The following SLC9A9 variants were observed in gnomAD, a reference collection of about 807,000 sequenced individuals.
SLC9A9 encodes the protein solute carrier family 9 member A9, also known as sodium/hydrogen exchanger 9.
SLC9A9 carries 62 observed loss-of-function variants against 77.8 expected under a neutral mutation model. That is an observed-to-expected ratio of 0.80 (90% CI 0.65 to 0.98). SLC9A9 has a LOEUF of 0.98. Among genes scored for constraint, SLC9A9 ranks in the 50% least tolerant of loss-of-function variants. The pLI, the probability that SLC9A9 is intolerant of heterozygous loss-of-function variation, is 0.00. For synonymous variants in SLC9A9, 320 were observed against 283.5 expected (o/e 1.13, Z -1.29); for missense variants, 775 against 774.9 (o/e 1.00, Z 0.00).
intron 12 of SLC9A9, among the ~76,000 whole-genome samples, chr3:143,464,019 A>C (rs1043306007): frequency 1.3e-5 from 2 of 152,238 alleles, no homozygotes; most frequent in African/African-American, 4.8e-5. Context: ...TAAAAAAACT[A>C]ATTCAAGTAC....
At chr3:143,386,936 G>T (rs1395378011) in intron 12 of SLC9A9, among the ~76,000 whole-genome samples, 2 of 152,196 alleles carry the variant, frequency 1.3e-5, no homozygotes, top group Non-Finnish European at 2.9e-5. Context: ...CACCTCCTGG[G>T]TTCAAGTGAT....
chr3:143,721,250 C>T (rs184968560), intron 4 of SLC9A9, among the ~76,000 whole-genome samples: 1 of 152,296 alleles, frequency 6.6e-6, no homozygotes, highest in African/African-American at 2.4e-5. Flanking sequence ...AAGAAGTCCC[C>T]TCTTTAAGTG....
At chr3:143,267,882 T>C (rs1435725105) in intron 15 of SLC9A9, among the ~76,000 whole-genome samples, 1 of 152,232 alleles carries the variant, frequency 6.6e-6, no homozygotes, top group Non-Finnish European at 1.5e-5. Flanking sequence ...GAATGGGCCC[T>C]TGCCGGGGGA....
chr3:143,450,945 C>T (rs1424539557), intron 12 of SLC9A9, among the ~76,000 whole-genome samples: 1 of 152,036 alleles, frequency 6.6e-6, no homozygotes, highest in African/African-American at 2.4e-5. Context: ...TGTGTGGGTG[C>T]TATGCCGGAG....
chr3:143,713,662 T>C (rs1200049124), intron 4 of SLC9A9, among the ~76,000 whole-genome samples: 6 of 152,160 alleles, frequency 3.9e-5, no homozygotes, highest in African/African-American at 1.2e-4. Flanking sequence ...ATTTGTTCCA[T>C]ATAACAGAAA....
At chr3:143,835,621 A>G (rs901924975) in intron 1 of SLC9A9, among the ~76,000 whole-genome samples, 5 of 152,262 alleles carry the variant, frequency 3.3e-5, no homozygotes, top group East Asian at 1.9e-4. Flanking sequence ...GATGGCTAGT[A>G]GAAAGAAAAT....
chr3:143,328,549 G>A (rs16853429), intron 14 of SLC9A9, among the ~76,000 whole-genome samples: 3,311 of 152,178 alleles, frequency 0.022, 106 homozygotes, highest in African/African-American at 0.075. Flanking sequence ...CCATCTTCCC[G>A]ATTCAAAACC....
intron 1 of SLC9A9, among the ~76,000 whole-genome samples, chr3:143,845,009 T>G (rs1405754536): frequency 6.6e-6 from 1 of 152,060 alleles, no homozygotes; most frequent in Admixed American, 6.6e-5. Flanking sequence ...CTTTTAGACC[T>G]CCTGGAAAAG....
At chr3:143,431,861 T>A (rs1483504408) in intron 12 of SLC9A9, among the ~76,000 whole-genome samples, 1 of 152,158 alleles carries the variant, frequency 6.6e-6, no homozygotes, top group African/African-American at 2.4e-5. Flanking sequence ...GCCCACTTGA[T>A]GTTCCTCCAA....
chr3:143,596,647 A>G (rs148422937), intron 6 of SLC9A9, among the ~76,000 whole-genome samples: 3 of 152,204 alleles, frequency 2.0e-5, no homozygotes, highest in South Asian at 2.1e-4. Flanking sequence ...TTCTCCCTAC[A>G]ATGTATGAAG....
intron 6 of SLC9A9, among the ~76,000 whole-genome samples, chr3:143,645,634 G>A (rs1024557093): frequency 2.0e-5 from 3 of 152,126 alleles, no homozygotes; most frequent in African/African-American, 4.8e-5. Context: ...ATACATGGGC[G>A]GTAAGAAATG....
At chr3:143,786,097 C>A (rs1359230232) in intron 4 of SLC9A9, among the ~76,000 whole-genome samples, 1 of 151,740 alleles carries the variant, frequency 6.6e-6, no homozygotes, top group Non-Finnish European at 1.5e-5. Flanking sequence ...CCTCGTGATC[C>A]GCCCGTCTCG....
intron 9 of SLC9A9, among the ~76,000 whole-genome samples, chr3:143,528,802 T>TAAA (rs5853112): frequency 6.8e-6 from 1 of 147,846 alleles, no homozygotes. Flanking sequence ...AGCTCAAAAG[T>TAAA]AAAAAAAAAA....
intron 14 of SLC9A9, among the ~76,000 whole-genome samples, chr3:143,338,191 A>G (rs1311481611): frequency 6.6e-6 from 1 of 152,212 alleles, no homozygotes; most frequent in African/African-American, 2.4e-5. Flanking sequence ...TGTGATTGCA[A>G]TGTCAAAGTG....
At chr3:143,563,590 G>A (rs1236028181) in intron 8 of SLC9A9, among the ~76,000 whole-genome samples, 1 of 151,702 alleles carries the variant, frequency 6.6e-6, no homozygotes, top group African/African-American at 2.4e-5. Flanking sequence ...TTCAAATAGG[G>A]GTATATAAGA....
At chr3:143,547,916 C>T (rs1273636194) in intron 9 of SLC9A9, among the ~76,000 whole-genome samples, 1 of 151,830 alleles carries the variant, frequency 6.6e-6, no homozygotes. Flanking sequence ...TTTTTTTGTT[C>T]ACTGTTGTAT....
chr3:143,415,381 A>G (rs774197790), intron 12 of SLC9A9, among the ~76,000 whole-genome samples: 57 of 152,198 alleles, frequency 3.7e-4, no homozygotes, highest in Non-Finnish European at 4.3e-4. Context: ...CAAAGCTTTA[A>G]AGGACAGGCT....
At chr3:143,274,115 A>G (rs1937975900) in intron 14 of SLC9A9, among the ~76,000 whole-genome samples, 1 of 152,232 alleles carries the variant, frequency 6.6e-6, no homozygotes, top group South Asian at 2.1e-4. Flanking sequence ...AAATGATCAT[A>G]TCTCAGCTTG....
At chr3:143,539,043 T>C (rs547828191) in intron 9 of SLC9A9, among the ~76,000 whole-genome samples, 278 of 151,606 alleles carry the variant, frequency 1.8e-3, no homozygotes, top group Non-Finnish European at 3.2e-3. Context: ...AAGCAGAGAT[T>C]TTTTTTTTAA....
Sources: gnomAD v4.1 joint callset for allele counts (sites outside exome capture counted in the v4.1 genomes callset) on GRCh38, gnomAD v4.1.1 for gene constraint, MANE v1.5 for transcripts, NCBI Gene and HGNC (gene_info 2026-07-23, HGNC 2026-07-21) for gene names.